Variants in ZFR observed in about 807,000 individuals in gnomAD.
ZFR encodes zinc finger RNA binding protein.
In ZFR, 19 loss-of-function variants were observed where a neutral mutation model predicts 130.7. The observed-to-expected ratio is 0.15, with a 90% CI of 0.10 to 0.21. ZFR has a LOEUF of 0.21. Ranked by LOEUF, ZFR falls within the 10% of genes least tolerant of loss-of-function variation. ZFR has a pLI of 1.00. For synonymous variants in ZFR, 466 were observed against 456.9 expected, an observed-to-expected ratio of 1.02 and a Z score of -0.25; for missense variants, 872 against 1,321.5, an observed-to-expected ratio of 0.66 and a Z score of 5.27.
chr5:32,423,856 C>T (rs1382399967), intron 2 of ZFR, among the ~76,000 whole-genome samples: 1 of 152,092 alleles, frequency 6.6e-6, no homozygotes, highest in African/African-American at 2.4e-5. Flanking sequence ...AACACTAAAG[C>T]AAGAAGATAA....
Position 32,387,698 on chromosome 5 carries a change from C to T in ZFR, c.2350G>A (p.Ala784Thr), listed in dbSNP as rs768672237. The change falls in exon 14 of 20, where the codon GCT (alanine) becomes ACT (threonine). Residue 784 changes from alanine to threonine, a missense_variant and splice_region_variant. Coordinates refer to ENST00000265069, the MANE Select transcript of ZFR (RefSeq NM_016107.5). Reference sequence around the variant, plus strand: ...CCCACTCGCAAAACTCCTTTCAAAGCTCTGCAGTAAAATAAAATTATATTA... The same window carrying T: ...CCCACTCGCAAAACTCCTTTCAAAGTTCTGCAGTAAAATAAAATTATATTA... ...DDKKEGGKDR[A>T]LKGVLRVGVL... The T allele has an allele frequency of 2.6e-5, 41 of 1,605,514 alleles. No individual in the cohort carries two copies. In the South Asian group the frequency reaches 4.3e-4, roughly 17 times the overall value.
At chr5:32,413,243 A>G (rs1205558942) in intron 5 of ZFR, among the ~76,000 whole-genome samples, 1 of 151,956 alleles carries the variant, frequency 6.6e-6, no homozygotes, top group Admixed American at 6.6e-5. Context: ...CAAAACAAAA[A>G]AAACCTGATA....
In ZFR at chr5:32,395,312, T is replaced by C. The variant is rs1382366289; in HGVS notation, c.1834-8A>G. 3.8e-6 allele frequency: 6 copies of C among 1,559,394 alleles called. No individual in the cohort carries two copies. Among genetic ancestry groups the C allele is most frequent in the South Asian group, 3.6e-5 (3 of 82,234 alleles). On this transcript the variant is annotated splice_region_variant and splice_polypyrimidine_tract_variant and intron_variant, in intron 10 of 19. Transcript: ENST00000265069. ...ATCTGGATTTACTTTTTTCTATTAATATAAATAAGACATTTAAAAAACAGC... is the reference window on the plus strand; with the variant it reads ...ATCTGGATTTACTTTTTTCTATTAACATAAATAAGACATTTAAAAAACAGC...
At chr5:32,358,432 T>C (rs7701012) in intron 19 of ZFR, among the ~76,000 whole-genome samples, 145,732 of 152,328 alleles carry the variant, frequency 0.96, 69,782 homozygotes, top group African/African-American at 0.99. Context: ...AGGCCTAGAC[T>C]GGCGCATCAC....
intron 17 of ZFR, among the ~76,000 whole-genome samples, chr5:32,365,304 T>C (rs913916753): frequency 3.9e-5 from 6 of 152,152 alleles, no homozygotes; most frequent in Non-Finnish European, 7.4e-5. Context: ...AAAAAGCTCA[T>C]GGACTTATTT....
intron 2 of ZFR, among the ~76,000 whole-genome samples, chr5:32,429,514 G>A (rs1436557408): frequency 1.3e-5 from 2 of 152,156 alleles, no homozygotes; most frequent in Admixed American, 6.5e-5. Context: ...TTGGACTCTA[G>A]AATTCACATT....
intron 2 of ZFR, among the ~76,000 whole-genome samples, chr5:32,424,416 G>T (rs1172654617): frequency 6.6e-6 from 1 of 151,910 alleles, no homozygotes; most frequent in Non-Finnish European, 1.5e-5. Flanking sequence ...CTGTAGTCCC[G>T]GCTACTCGGG....
intron 5 of ZFR, among the ~76,000 whole-genome samples, chr5:32,408,655 T>C (rs928288042): frequency 6.6e-6 from 1 of 152,246 alleles, no homozygotes; most frequent in African/African-American, 2.4e-5. Context: ...TGTTCTTTTA[T>C]CACATTCGTA....
intron 8 of ZFR, among the ~76,000 whole-genome samples, chr5:32,400,515 G>A (rs970715072): frequency 4.6e-5 from 7 of 152,134 alleles, no homozygotes. Context: ...CTAGTTTCTT[G>A]GCAAGTGACT....
At chr5:32,415,515 T>TGTGTGTGTGTGC (rs1326041688) in intron 4 of ZFR, among the ~76,000 whole-genome samples, 22 of 97,984 alleles carry the variant, frequency 2.2e-4, no homozygotes, top group African/African-American at 1.0e-3. Context: ...TGTGTGTGTG[T>TGTGTGTGTGTGC]GCGCGCGCGC....
intron 17 of ZFR, among the ~76,000 whole-genome samples, chr5:32,371,923 G>A (rs969392417): frequency 1.3e-5 from 2 of 151,960 alleles, no homozygotes; most frequent in African/African-American, 4.8e-5. Flanking sequence ...TGCTCTCTTG[G>A]TTCAGGGGAA....
chr5:32,412,617 C>T (rs914996084), intron 5 of ZFR, among the ~76,000 whole-genome samples: 6 of 152,172 alleles, frequency 3.9e-5, no homozygotes, highest in African/African-American at 1.4e-4. Flanking sequence ...TATCCATGTT[C>T]AATTCCTTTT....
chr5:32,384,629 C>G (rs1157193752), intron 15 of ZFR, among the ~76,000 whole-genome samples: 1 of 152,074 alleles, frequency 6.6e-6, no homozygotes, highest in Admixed American at 6.6e-5. Flanking sequence ...GACTGTTATT[C>G]CATACTCAAC....
chr5:32,416,339 G>C (rs1753824563), intron 4 of ZFR, among the ~76,000 whole-genome samples: 1 of 152,120 alleles, frequency 6.6e-6, no homozygotes, highest in African/African-American at 2.4e-5. Flanking sequence ...ACAAGGCTGG[G>C]CATGGTGGCT....
In ZFR at chr5:32,383,666, C is replaced by CT. The variant is rs1581688719; in HGVS notation, c.2641+1841dup. 5 of 407,952 alleles carry CT rather than the reference C, an allele frequency of 1.2e-5. No homozygotes were observed. In the East Asian group the frequency reaches 3.6e-4, roughly 29 times the overall value. The allele number at this position is 407,952 out of a possible 1,614,324, so 25.3% of individuals were successfully genotyped here. A position where few individuals can be genotyped will look rare whatever the true frequency, so the allele number is the denominator to read the frequency against. On this transcript the variant is annotated intron_variant, in intron 15 of 19. Transcript: ENST00000265069. Reference sequence around the variant, plus strand: ...CAATTGTTCTTCCGGCAAAGCCTTCCTTAACCCCTGTACTAACTCCCCAAA... The same window carrying CT: ...CAATTGTTCTTCCGGCAAAGCCTTCCTTTAACCCCTGTACTAACTCCCCAAA...
chr5:32,385,739 C>G (rs1753030410), intron 14 of ZFR, 90 bp from the exon 15 acceptor site: 1 of 1,449,184 alleles, frequency 6.9e-7, no homozygotes, highest in Admixed American at 1.9e-5. Context: ...TCTCTTACTA[C>G]CCTAACCATT....
chr5:32,427,316 T>G (rs1754094973), intron 2 of ZFR, among the ~76,000 whole-genome samples: 1 of 133,620 alleles, frequency 7.5e-6, no homozygotes, highest in Non-Finnish European at 1.5e-5. Context: ...GCCCAGGAGG[T>G]CAGGGCTGCA....
chr5:32,416,006 C>A (rs993051372), intron 4 of ZFR, among the ~76,000 whole-genome samples: 1 of 151,780 alleles, frequency 6.6e-6, no homozygotes, highest in Non-Finnish European at 1.5e-5. Context: ...CACTCTGTTG[C>A]CCAGGCTGAA....
rs558557143 is a variant in ZFR at position 32,370,532 on chromosome 5, C to A, written c.2836-6257G>T. Among the ~76,000 whole-genome samples, 15 of 152,208 alleles carry A rather than the reference C, an allele frequency of 9.9e-5. No individual in the cohort carries two copies. The South Asian group carries it at 3.1e-3, about 32-fold the overall frequency. On this transcript the variant is annotated intron_variant, in intron 17 of 19. Coordinates refer to ENST00000265069, the MANE Select transcript of ZFR (RefSeq NM_016107.5). ...GGACTACAGGTGTGCGCCATCTCAT[C>A]CAGCTAATTTTTAAGTTTGTCTTTT...
Sources: allele counts gnomAD v4.1 joint callset (sites outside exome capture counted in the v4.1 genomes callset), GRCh38; gene constraint gnomAD v4.1.1; transcripts MANE v1.5; gene names NCBI Gene and HGNC (gene_info 2026-07-23, HGNC 2026-07-21).